Variants in LOX observed in about 807,000 individuals in gnomAD.
The protein encoded by LOX is lysyl oxidase.
Under a neutral mutation model 50.5 loss-of-function variants are expected in LOX, and 12 were observed. That is an observed-to-expected ratio of 0.24 (90% CI 0.15 to 0.38). LOX has a LOEUF of 0.38. Ranked by LOEUF, LOX falls within the 10% of genes least tolerant of loss-of-function variation. The pLI, the probability that LOX is intolerant of heterozygous loss-of-function variation, is 1.00. For missense variants in LOX, 504 were observed against 563.8 expected, an observed-to-expected ratio of 0.89 and a Z score of 1.07; for synonymous variants, 254 against 230.6, an observed-to-expected ratio of 1.10 and a Z score of -0.92.
At chr5:122,073,367 T>C (rs1260673658) in intron 4 of LOX, among the ~76,000 whole-genome samples, 1 of 152,230 alleles carries the variant, frequency 6.6e-6, no homozygotes, top group Non-Finnish European at 1.5e-5. Context: ...ATACTGTAGA[T>C]TTAAATATAT....
chr5:122,077,133 A>G lies in LOX; in HGVS notation c.632-132T>C, dbSNP rs555138814. 17 of 1,480,188 alleles carry G rather than the reference A, an allele frequency of 1.1e-5. No homozygotes were observed. Among genetic ancestry groups the G allele is most frequent in the African/African-American group, 4.2e-5 (3 of 71,338 alleles). The allele number at this position is 1,480,188 out of a possible 1,614,324, so 91.7% of individuals were successfully genotyped here. ...CTGCAGAGTGGAGCGGAGGACAGCA[A>G]GAGAACTGGGGACGCCCGGGACTGC... On this transcript the variant is annotated intron_variant, in intron 1 of 6. Coordinates refer to ENST00000231004, the MANE Select transcript of LOX (RefSeq NM_002317.7). The surrounding 1 kb of genome is among the most constrained non-coding windows in gnomAD (Gnocchi z 4.9).
chr5:122,066,708 C>T lies in LOX; in HGVS notation c.*35G>A. ...TTTTTTCCCACTTCAGAACACCAGGCACTGATTTATCCATTGGGAGTTTTG... is the reference window on the plus strand; with the variant it reads ...TTTTTTCCCACTTCAGAACACCAGGTACTGATTTATCCATTGGGAGTTTTG... On this transcript the variant is annotated 3_prime_UTR_variant, in exon 7 of 7. Transcript: ENST00000231004. 2 of 1,583,352 alleles carry T rather than the reference C, an allele frequency of 1.3e-6. No individual in the cohort carries two copies. The highest frequency in any genetic ancestry group is 1.7e-6 in the Non-Finnish European group (2 of 1,153,354).
Position 122,070,574 on chromosome 5 carries a change from A to G in LOX, c.1051T>C (p.Cys351Arg). The change falls in exon 5 of 7, where the codon TGT (cysteine) becomes CGT (arginine). Residue 351 changes from cysteine to arginine, a missense_variant. Cys to Arg is a radical substitution (Grantham distance 180, BLOSUM62 -3). Coordinates refer to ENST00000231004, the MANE Select transcript of LOX (RefSeq NM_002317.7). ...ATGTCTGCACCATAGGTATCATAAC[A>G]GCCAGGACTCAATCCCTAAGATAAA... is the stretch of plus-strand genomic sequence containing the variant. ...TAHTQGLSPGCYDTYGADIDC... is the reference protein window; with the variant it reads ...TAHTQGLSPGRYDTYGADIDC... 1 of 1,596,450 alleles carries G rather than the reference A, an allele frequency of 6.3e-7. No homozygotes were observed. Among genetic ancestry groups the G allele is most frequent in the Non-Finnish European group, 8.6e-7 (1 of 1,166,030 alleles).
Position 122,077,853 on chromosome 5 carries a change from G to A in LOX, c.133C>T (p.Gln45Ter). The A allele has an allele frequency of 6.5e-7, 1 of 1,543,590 alleles. No individual in the cohort carries two copies. Among genetic ancestry groups the A allele is most frequent in the Non-Finnish European group, 8.7e-7 (1 of 1,149,780 alleles). Residue 45 changes from glutamine (Q) to a stop codon, truncating the protein, a stop_gained, in exon 1 of 7, where the codon CAG (glutamine) becomes TAG (stop). Coordinates refer to ENST00000231004, the MANE Select transcript of LOX (RefSeq NM_002317.7). LOFTEE classifies it high-confidence loss of function. The surrounding 1 kb of genome is among the most constrained non-coding windows in gnomAD (Gnocchi z 4.9). ...PPAAPGAWRQ[Q>*]IQWENNGQVF... ...TGCCCGTTGTTCTCCCATTGGATCTGCTGGCGCCAGGCGCCCGGAGCCGCC... is the reference window on the plus strand; with the variant it reads ...TGCCCGTTGTTCTCCCATTGGATCTACTGGCGCCAGGCGCCCGGAGCCGCC...
intron 6 of LOX, among the ~76,000 whole-genome samples, chr5:122,067,286 A>G (rs6897004): frequency 0.08 from 12,191 of 151,644 alleles, 888 homozygotes; most frequent in African/African-American, 0.18. Context: ...CAATTTCCAA[A>G]CAGTAAATTC....
At position 122,077,343 on chromosome 5, in the gene LOX, G is replaced by C; in HGVS notation, c.631+12C>G. 6.2e-7 allele frequency: 1 copy of C among 1,613,612 alleles called. No individual in the cohort carries two copies. Among genetic ancestry groups the C allele is most frequent in the Non-Finnish European group, 8.5e-7 (1 of 1,179,956 alleles). On this transcript the variant is annotated intron_variant, in intron 1 of 6. Transcript: ENST00000231004. This position sits in a 1 kb window ranked among gnomAD's most constrained non-coding sequence, Gnocchi z 4.9. ...GTGCACGGGTGCTTCCAGCGGACTT[G>C]GGGGTACTTACCGTACTGGAAGTAG...
chr5:122,076,624 A>G (rs1172725250), intron 2 of LOX, among the ~76,000 whole-genome samples: 1 of 152,200 alleles, frequency 6.6e-6, no homozygotes, highest in East Asian at 1.9e-4. Context: ...AGTATCTTGG[A>G]AAAAGAGCAT....
intron 6 of LOX, among the ~76,000 whole-genome samples, chr5:122,067,431 T>A (rs936051584): frequency 6.6e-6 from 1 of 152,112 alleles, no homozygotes. Context: ...CCTATTCAAC[T>A]ATTTACTGGG....
chr5:122,077,298 G>A lies in LOX; in HGVS notation c.631+57C>T. 1 of 1,606,702 alleles carries A rather than the reference G, an allele frequency of 6.2e-7. No homozygotes were observed. Among genetic ancestry groups the A allele is most frequent in the East Asian group, 2.2e-5 (1 of 44,708 alleles). ...CGCGCCCAGGCAGCCACGTCGAGAA[G>A]CCACATAGCTGGGGACCAGGTGCAC... On this transcript the variant is annotated intron_variant, in intron 1 of 6. Coordinates refer to ENST00000231004, the MANE Select transcript of LOX (RefSeq NM_002317.7). The surrounding 1 kb of genome is among the most constrained non-coding windows in gnomAD (Gnocchi z 4.9).
chr5:122,076,905 T>C lies in LOX; in HGVS notation c.728A>G (p.Asn243Ser). The C allele has an allele frequency of 3.7e-6, 6 of 1,613,812 alleles. No homozygotes were observed. Among genetic ancestry groups the C allele is most frequent in the Non-Finnish European group, 5.1e-6 (6 of 1,179,940 alleles). ...TATCAGCCCGTACCTGGCCAGACAG[T>C]TTTCCTCCGCCGCGCATCTCAGGTT... is the stretch of plus-strand genomic sequence containing the variant. ...MYNLRCAAEE[N>S]CLASTAYRAD... Residue 243 changes from asparagine (N) to serine (S), a missense_variant, in exon 2 of 7, where the codon AAC (asparagine) becomes AGC (serine). Physicochemically the swap from Asn to Ser is conservative, Grantham distance 46. Around this residue, in one of 2 missense-constraint regions of LOX, gnomAD observed 398 missense variants for 365.8 expected, o/e 1.09. Transcript: ENST00000231004.
rs777190682 is a variant in LOX, at chr5:122,066,701, C to T, written c.*42G>A. The T allele has an allele frequency of 6.4e-7, 1 of 1,568,898 alleles. No homozygotes were observed. Among genetic ancestry groups the T allele is most frequent in the Admixed American group, 1.7e-5 (1 of 59,330 alleles). ...TAGTCTATTTTTTCCCACTTCAGAA[C>T]ACCAGGCACTGATTTATCCATTGGG... On this transcript the variant is annotated 3_prime_UTR_variant, in exon 7 of 7. Transcript: ENST00000231004.
chr5:122,070,364 T>C (rs776080229), intron 5 of LOX, 130 bp downstream of exon 5: 1 of 648,790 alleles, frequency 1.5e-6, no homozygotes, highest in South Asian at 2.0e-5. Context: ...TAGATTAGAT[T>C]AGATTGTTTA....
At chr5:122,069,185 A>T (rs3805442) in intron 6 of LOX, among the ~76,000 whole-genome samples, 39,853 of 151,960 alleles carry the variant, frequency 0.26, 6,679 homozygotes, top group African/African-American at 0.48. Context: ...TAATTATGAG[A>T]TTCTAGTATA....
At chr5:122,068,991 C>T (rs1754379628) in intron 6 of LOX, among the ~76,000 whole-genome samples, 1 of 151,992 alleles carries the variant, frequency 6.6e-6, no homozygotes, top group African/African-American at 2.4e-5. Context: ...GGCCATAAAA[C>T]CTGCCAGGTT....
In LOX at chr5:122,077,881, C is replaced by T. The variant is rs1363519852; in HGVS notation, c.105G>A (p.Pro35=). The T allele has an allele frequency of 2.0e-6, 3 of 1,534,798 alleles. No homozygotes were observed. Among genetic ancestry groups the T allele is most frequent in the Admixed American group, 4.2e-5 (2 of 47,204 alleles). Residue 35 remains proline (P), a synonymous_variant, in exon 1 of 7, where the codon CCG becomes CCA. Transcript: ENST00000231004. The surrounding 1 kb of genome is among the most constrained non-coding windows in gnomAD (Gnocchi z 4.9). Reference sequence around the variant, plus strand: ...GGCGCCAGGCGCCCGGAGCCGCCGGCGGCTCGCGCGGGGGCTGCTGTTGGC... The same window carrying T: ...GGCGCCAGGCGCCCGGAGCCGCCGGTGGCTCGCGCGGGGGCTGCTGTTGGC... ...AAGQQQPPRE[P]PAAPGAWRQQ...
In LOX at chr5:122,063,640, A is replaced by G. The variant is rs1754224087; in HGVS notation, c.*3103T>C. On this transcript the variant is annotated 3_prime_UTR_variant, in exon 7 of 7. Transcript: ENST00000231004. ...ATTGTGAATATGAGTTCAAAAAAAT[A>G]TGTATATATAGAAAAAAGAGTACTT... The G allele has an allele frequency of 6.6e-6, 1 of 151,664 alleles. No homozygotes were observed. Among genetic ancestry groups the G allele is most frequent in the Non-Finnish European group, 1.5e-5 (1 of 67,872 alleles). The allele number at this position is 151,664 out of a possible 1,614,324, so 9.4% of individuals were successfully genotyped here. A position where few individuals can be genotyped will look rare whatever the true frequency, so the allele number is the denominator to read the frequency against.
intron 5 of LOX, 152 bp downstream of exon 5, chr5:122,070,342 A>T: frequency 1.5e-6 from 1 of 649,512 alleles, no homozygotes; most frequent in South Asian, 1.9e-5. Flanking sequence ...AGTTCTTTAA[A>T]ATAAGACAGA....
In LOX at chr5:122,077,860, C is replaced by G. The variant is rs1203264499; in HGVS notation, c.126G>C (p.Trp42Cys). 1 of 1,539,946 alleles carries G rather than the reference C, an allele frequency of 6.5e-7. No homozygotes were observed. The highest frequency in any genetic ancestry group is 8.7e-7 in the Non-Finnish European group (1 of 1,148,252). The part of the protein sequence containing the change: ...PREPPAAPGA[W>C]RQQIQWENNG... Reference sequence around the variant, plus strand: ...TGTTCTCCCATTGGATCTGCTGGCGCCAGGCGCCCGGAGCCGCCGGCGGCT... The same window carrying G: ...TGTTCTCCCATTGGATCTGCTGGCGGCAGGCGCCCGGAGCCGCCGGCGGCT... Residue 42 changes from tryptophan (W) to cysteine (C), a missense_variant, in exon 1 of 7, where the codon TGG becomes TGC. Trp to Cys is a radical substitution (Grantham distance 215, BLOSUM62 -2). Coordinates refer to ENST00000231004, the MANE Select transcript of LOX (RefSeq NM_002317.7). This position sits in a 1 kb window ranked among gnomAD's most constrained non-coding sequence, Gnocchi z 4.9.
rs1298792978 is a variant in LOX, at chr5:122,065,140, C to G, written c.*1603G>C. 6.6e-6 allele frequency: 1 copy of G among 151,990 alleles called. No individual in the cohort carries two copies. Among genetic ancestry groups the G allele is most frequent in the Admixed American group, 6.6e-5 (1 of 15,234 alleles). The allele number at this position is 151,990 out of a possible 1,614,324, so 9.4% of individuals were successfully genotyped here. A position where few individuals can be genotyped will look rare whatever the true frequency, so the allele number is the denominator to read the frequency against. On this transcript the variant is annotated 3_prime_UTR_variant, in exon 7 of 7. Coordinates refer to ENST00000231004, the MANE Select transcript of LOX (RefSeq NM_002317.7). ...GTATTGTCTACTGGTAAGCTTGTGC[C>G]CTGGTGGCTAAGGATCATATGTACC... is the stretch of plus-strand genomic sequence containing the variant.
Sources: gnomAD v4.1 joint callset for allele counts (sites outside exome capture counted in the v4.1 genomes callset) on GRCh38, gnomAD v4.1.1 for gene constraint, gnomAD v4.1.1 regional missense constraint, Gnocchi (gnomAD v3.1) non-coding constraint, MANE v1.5 for transcripts, NCBI Gene and HGNC (gene_info 2026-07-23, HGNC 2026-07-21) for gene names.